GABRB3: variants seen among roughly 807,000 people sequenced by gnomAD.
GABRB3 encodes the protein gamma-aminobutyric acid type A receptor subunit beta3.
A neutral mutation model predicts 52.1 loss-of-function variants in GABRB3; 14 were observed. The observed-to-expected ratio is 0.27, with a 90% CI of 0.18 to 0.42. GABRB3 has a LOEUF of 0.42. Among genes scored for constraint, GABRB3 ranks in the 10% least tolerant of loss-of-function variants. The pLI is 1.00. For synonymous variants in GABRB3, 260 were observed against 232.3 expected, an observed-to-expected ratio of 1.12 and a Z score of -1.08; for missense variants, 307 against 609.1, an observed-to-expected ratio of 0.50 and a Z score of 5.22.
At chr15:26,681,379 C>A (rs1042154456) in intron 3 of GABRB3, among the ~76,000 whole-genome samples, 1 of 152,124 alleles carries the variant, frequency 6.6e-6, no homozygotes, top group Admixed American at 6.5e-5. Flanking sequence ...TCTGCCCCCC[C>A]GTATGGGAAA....
intron 7 of GABRB3, 28 bp downstream of exon 7, chr15:26,567,553 T>G (rs1567113049): frequency 5.0e-6 from 8 of 1,609,192 alleles, no homozygotes; most frequent in East Asian, 2.2e-5. Flanking sequence ...TACTTTACAT[T>G]TAAATATCAC....
chr15:26,709,473 C>A (rs1287413924), intron 3 of GABRB3, among the ~76,000 whole-genome samples: 4 of 151,476 alleles, frequency 2.6e-5, no homozygotes, highest in Non-Finnish European at 5.9e-5. Context: ...GCACAGCCTG[C>A]AGAACCATGA....
At chr15:26,768,847 GA>G (rs1364382406) in intron 3 of GABRB3, among the ~76,000 whole-genome samples, 3 of 151,770 alleles carry the variant, frequency 2.0e-5, no homozygotes, top group African/African-American at 4.8e-5. Flanking sequence ...AAAAGATTTA[GA>G]AAAAAATTGG....
chr15:26,589,153 A>G (rs999291938), intron 4 of GABRB3, among the ~76,000 whole-genome samples: 1 of 152,220 alleles, frequency 6.6e-6, no homozygotes, highest in African/African-American at 2.4e-5. Flanking sequence ...ACTTTCTGGC[A>G]TTAGCATTTC....
At chr15:26,574,503 A>C (rs1024247675) in intron 6 of GABRB3, among the ~76,000 whole-genome samples, 8 of 152,224 alleles carry the variant, frequency 5.3e-5, no homozygotes, top group Non-Finnish European at 1.5e-5. Flanking sequence ...CCCAAAGGGA[A>C]GACAAGCCAA....
In GABRB3 at chr15:26,645,559, A is replaced by C. The variant is rs142642640; in HGVS notation, c.241-24025T>G. Among the ~76,000 whole-genome samples, 250 of 152,332 alleles carry C rather than the reference A, an allele frequency of 1.6e-3. 1 individual carries two copies. Among genetic ancestry groups the C allele is most frequent in the African/African-American group, 5.7e-3 (235 of 41,574 alleles). On this transcript the variant is annotated intron_variant, in intron 3 of 8. Transcript: ENST00000311550. ...CAACCCTAACTCAAGCCATTGGCAC[A>C]CAGGCATTAGACAGAAAGCTGGAAG...
chr15:26,655,166 T>C (rs1470083910), intron 3 of GABRB3, among the ~76,000 whole-genome samples: 2 of 152,210 alleles, frequency 1.3e-5, no homozygotes, highest in Non-Finnish European at 2.9e-5. Flanking sequence ...TAATTTAATA[T>C]AGTAGAGATC....
At chr15:26,661,140 A>G (rs1298142847) in intron 3 of GABRB3, among the ~76,000 whole-genome samples, 1 of 152,212 alleles carries the variant, frequency 6.6e-6, no homozygotes, top group African/African-American at 2.4e-5. Flanking sequence ...TAGTGTAGGT[A>G]AAAACAGGCA....
intron 3 of GABRB3, among the ~76,000 whole-genome samples, chr15:26,723,833 T>A (rs1228233554): frequency 6.6e-6 from 1 of 152,192 alleles, no homozygotes; most frequent in African/African-American, 2.4e-5. Context: ...GGCTCCACTG[T>A]TTTTTCACAA....
chr15:26,770,945 G>A (rs897551889), intron 3 of GABRB3, among the ~76,000 whole-genome samples: 1 of 152,152 alleles, frequency 6.6e-6, no homozygotes. Flanking sequence ...CATTCCTTCT[G>A]TGTTCCTTGC....
At position 26,552,088 on chromosome 15, in the gene GABRB3, C is replaced by T. The variant is rs573283531; in HGVS notation, c.1081-3954G>A. Reference sequence around the variant, plus strand: ...GTGGCACAATCTCAGCTCACCGCAACCTCCTCCTCCTGGGTTCAAGCGATT... The same window carrying T: ...GTGGCACAATCTCAGCTCACCGCAATCTCCTCCTCCTGGGTTCAAGCGATT... On this transcript the variant is annotated intron_variant, in intron 8 of 8. Coordinates refer to ENST00000311550, the MANE Select transcript of GABRB3 (RefSeq NM_000814.6). Among the ~76,000 whole-genome samples, 219 of 152,092 alleles carry T rather than the reference C, an allele frequency of 1.4e-3. 1 individual carries two copies. The highest frequency in any genetic ancestry group is 5.0e-3 in the African/African-American group (208 of 41,480).
chr15:26,746,750 G>A (rs945811478), intron 3 of GABRB3, among the ~76,000 whole-genome samples: 5 of 152,068 alleles, frequency 3.3e-5, no homozygotes, highest in Admixed American at 6.5e-5. Flanking sequence ...CACTTTGGGA[G>A]GCCGAGAGGG....
At chr15:26,645,458 G>A (rs897835423) in intron 3 of GABRB3, among the ~76,000 whole-genome samples, 2 of 152,164 alleles carry the variant, frequency 1.3e-5, no homozygotes, top group Non-Finnish European at 2.9e-5. Context: ...CAGATGCAAT[G>A]TGGCTCTCAA....
chr15:26,773,757 C>A (rs1315431620), upstream of GABRB3: 3 of 1,540,758 alleles, frequency 1.9e-6, no homozygotes, highest in African/African-American at 4.1e-5. Flanking sequence ...CTGCTGGGAT[C>A]CGCTCTCCCC....
rs1321085404 is a variant in GABRB3, at chr15:26,546,736, G to GT, written c.*1056dup. The GT allele has an allele frequency of 6.6e-6, 1 of 152,122 alleles. No homozygotes were observed. Among genetic ancestry groups the GT allele is most frequent in the Non-Finnish European group, 1.5e-5 (1 of 68,002 alleles). 9.4% of individuals were successfully genotyped at this position (152,122 alleles called of 1,614,324 possible). On this transcript the variant is annotated 3_prime_UTR_variant, in exon 9 of 9. Transcript: ENST00000311550. ...ATCGCATGCTGCCATGATAGCAAGC[G>GT]TAAGAAACAAAATCTTGGTAAATAT...
chr15:26,754,642 T>A (rs545184735), intron 3 of GABRB3, among the ~76,000 whole-genome samples: 1 of 152,110 alleles, frequency 6.6e-6, no homozygotes, highest in East Asian at 1.9e-4. Context: ...TGGAAAACAG[T>A]CTCCGAAAAT....
intron 3 of GABRB3, among the ~76,000 whole-genome samples, chr15:26,625,963 T>C (rs185575748): frequency 6.6e-6 from 1 of 152,344 alleles, no homozygotes; most frequent in East Asian, 1.9e-4. Flanking sequence ...TGCCTTACTT[T>C]ACTGTGCTTC....
chr15:26,771,948 G>C (rs1891156883), intron 3 of GABRB3: 1 of 159,300 alleles, frequency 6.3e-6, no homozygotes, highest in Non-Finnish European at 1.4e-5. Context: ...CTTTCCTGCA[G>C]CCAGAATCTC....
intron 3 of GABRB3, among the ~76,000 whole-genome samples, chr15:26,735,496 G>A (rs986571709): frequency 6.6e-6 from 1 of 152,210 alleles, no homozygotes; most frequent in African/African-American, 2.4e-5. Flanking sequence ...ATTTACAATA[G>A]CTAAAATGTA....
Sources: gnomAD v4.1 joint callset for allele counts (sites outside exome capture counted in the v4.1 genomes callset) on GRCh38, gnomAD v4.1.1 for gene constraint, MANE v1.5 for transcripts, NCBI Gene and HGNC (gene_info 2026-07-23, HGNC 2026-07-21) for gene names.